Variants in UBXN7 observed in about 807,000 individuals in gnomAD.
The protein encoded by UBXN7 is UBX domain protein 7, also known as UBX domain-containing protein 7.
In UBXN7, 9 loss-of-function variants were observed where a neutral mutation model predicts 58.0. The observed-to-expected ratio is 0.16, with a 90% CI of 0.09 to 0.27. The LOEUF (loss-of-function observed/expected upper bound fraction) is 0.27. Among genes scored for constraint, UBXN7 ranks in the 10% least tolerant of loss-of-function variants. The pLI, the probability that UBXN7 is intolerant of heterozygous loss-of-function variation, is 1.00. For synonymous variants in UBXN7, 208 were observed against 205.0 expected, an observed-to-expected ratio of 1.01 and a Z score of -0.12; for missense variants, 328 against 599.6, an observed-to-expected ratio of 0.55 and a Z score of 4.73.
intron 1 of UBXN7, among the ~76,000 whole-genome samples, chr3:196,424,450 A>G (rs1730786394): frequency 7.2e-6 from 1 of 138,860 alleles, no homozygotes; most frequent in Non-Finnish European, 1.5e-5. Context: ...GCTGGAGTAT[A>G]GCAGCAGGAG....
At chr3:196,360,262 T>G (rs186728312) in intron 10 of UBXN7, among the ~76,000 whole-genome samples, 7 of 152,248 alleles carry the variant, frequency 4.6e-5, no homozygotes, top group African/African-American at 1.7e-4. Flanking sequence ...AAATAACAGA[T>G]TTAAGTTTGA....
chr3:196,423,472 G>C (rs931203385), intron 1 of UBXN7: 7 of 246,288 alleles, frequency 2.8e-5, no homozygotes, highest in Admixed American at 5.3e-5. Flanking sequence ...GGCTGTGATG[G>C]GGCTTGGGGT....
In UBXN7 at chr3:196,407,234, A is replaced by G. The variant is rs1730189524; in HGVS notation, c.221+12T>C. On this transcript the variant is annotated intron_variant, in intron 2 of 10. Transcript: ENST00000296328. ...AATGGATAGCTCCTGACAACACATA[A>G]TAAATTCATACTCTGTGTGTGGTCT... is the stretch of plus-strand genomic sequence containing the variant. The G allele has an allele frequency of 6.2e-7, 1 of 1,612,708 alleles. No individual in the cohort carries two copies. The highest frequency in any genetic ancestry group is 1.3e-5 in the African/African-American group (1 of 74,898).
At position 196,378,004 on chromosome 3, in the gene UBXN7, A is replaced by G. The variant is rs568023274; in HGVS notation, c.469-5962T>C. Among the ~76,000 whole-genome samples, 18 of 152,258 alleles carry G rather than the reference A, an allele frequency of 1.2e-4. No individual in the cohort carries two copies. The East Asian group carries it at 2.5e-3, about 21-fold the overall frequency. Reference sequence around the variant, plus strand: ...TTTATTCTTTCTCCAAGCAACTACTATAACTTGAAATGAATGTCACACTCT... The same window carrying G: ...TTTATTCTTTCTCCAAGCAACTACTGTAACTTGAAATGAATGTCACACTCT... On this transcript the variant is annotated intron_variant, in intron 5 of 10. Coordinates refer to ENST00000296328, the MANE Select transcript of UBXN7 (RefSeq NM_015562.2).
chr3:196,401,921 C>T (rs189967280), intron 3 of UBXN7, among the ~76,000 whole-genome samples: 28 of 149,728 alleles, frequency 1.9e-4, no homozygotes, highest in South Asian at 2.2e-4. Flanking sequence ...ACCAAACCCA[C>T]GCAACATGCA....
Position 196,408,421 on chromosome 3 carries a change from T to C in UBXN7, c.74-1028A>G, listed in dbSNP as rs371472503. On this transcript the variant is annotated intron_variant, in intron 1 of 10. Transcript: ENST00000296328. ...AAAATAAAATCTACATAAAATACTA[T>C]ATGCATAAACATGTTCATACACATG... is the stretch of plus-strand genomic sequence containing the variant. Among the ~76,000 whole-genome samples the C allele has an allele frequency of 5.4e-4, 82 of 152,330 alleles. No individual in the cohort carries two copies. The South Asian group carries it at 0.017, about 32-fold the overall frequency.
At chr3:196,403,536 T>C (rs751811604) in intron 2 of UBXN7, among the ~76,000 whole-genome samples, 31 of 152,268 alleles carry the variant, frequency 2.0e-4, no homozygotes, top group Admixed American at 3.9e-4. Context: ...GCTCAAATGG[T>C]TTGGAAATAA....
chr3:196,417,110 G>C (rs567630814), intron 1 of UBXN7, among the ~76,000 whole-genome samples: 12 of 152,012 alleles, frequency 7.9e-5, no homozygotes, highest in Non-Finnish European at 1.3e-4. Context: ...TCAGGAGATC[G>C]AGACCATCCT....
At chr3:196,429,339 AAC>A (rs1161422710) in intron 1 of UBXN7, among the ~76,000 whole-genome samples, 229 of 152,230 alleles carry the variant, frequency 1.5e-3, no homozygotes, top group African/African-American at 5.3e-3. Context: ...AAAAAAAAAA[AAC>A]ATCAGTCATT....
intron 5 of UBXN7, among the ~76,000 whole-genome samples, chr3:196,373,147 TCA>T (rs570764562): frequency 4.6e-5 from 7 of 152,354 alleles, no homozygotes; most frequent in Non-Finnish European, 7.3e-5. Flanking sequence ...CATATTAATC[TCA>T]GTTATTAGGC....
rs577229372 is a variant in UBXN7 at position 196,375,061 on chromosome 3, G to A, written c.469-3019C>T. On this transcript the variant is annotated intron_variant, in intron 5 of 10. Transcript: ENST00000296328. ...AAGGAAGGGAAAGGAAAGGAAAAAG[G>A]AGAGGAAGAAAGAAGAGTCTTGAAT... Among the ~76,000 whole-genome samples the A allele has an allele frequency of 3.7e-4, 52 of 139,496 alleles. No homozygotes were observed. In the South Asian group the frequency reaches 0.011, roughly 31 times the overall value. 91.5% of individuals were successfully genotyped at this position (139,496 alleles called of 152,430 possible).
chr3:196,377,489 G>T (rs930509581), intron 5 of UBXN7, among the ~76,000 whole-genome samples: 1 of 152,038 alleles, frequency 6.6e-6, no homozygotes, highest in Middle Eastern at 3.2e-3. Context: ...TGGAACCTAC[G>T]AAATCAATCT....
intron 1 of UBXN7, among the ~76,000 whole-genome samples, chr3:196,413,155 T>TG (rs1730384023): frequency 6.6e-6 from 1 of 152,020 alleles, no homozygotes; most frequent in South Asian, 2.1e-4. Context: ...CTGGCCAACA[T>TG]GGTGAAACCC....
chr3:196,368,195 T>C, intron 7 of UBXN7, 40 bp from the exon 8 acceptor site: 1 of 1,568,702 alleles, frequency 6.4e-7, no homozygotes, highest in Non-Finnish European at 8.7e-7. Context: ...AAATATAATA[T>C]CTAGAATCCT....
In UBXN7 at chr3:196,432,141, G is replaced by T. The variant is rs567227413; in HGVS notation, c.73+186C>A. 101 of 772,578 alleles carry T rather than the reference G, an allele frequency of 1.3e-4. 1 individual carries two copies. The highest frequency in any genetic ancestry group is 1.2e-3 in the South Asian group (82 of 66,604). The allele number at this position is 772,578 out of a possible 1,614,324, so 47.9% of individuals were successfully genotyped here. A position where few individuals can be genotyped will look rare whatever the true frequency, so the allele number is the denominator to read the frequency against. On this transcript the variant is annotated intron_variant, in intron 1 of 10. Transcript: ENST00000296328. ...ACAGAGAACGAGGGTATCGGGAGCG[G>T]GGGGGGGCTGTCTCCCGCCTGAACC...
intron 8 of UBXN7, among the ~76,000 whole-genome samples, chr3:196,364,790 A>G (rs1377826084): frequency 6.6e-6 from 1 of 151,580 alleles, no homozygotes; most frequent in Non-Finnish European, 1.5e-5. Context: ...TCCACCTGCC[A>G]GGCTCAAGCA....
chr3:196,416,602 T>C (rs1477863365), intron 1 of UBXN7, among the ~76,000 whole-genome samples: 1 of 152,132 alleles, frequency 6.6e-6, no homozygotes, highest in East Asian at 1.9e-4. Flanking sequence ...GTGAAGTCAA[T>C]CCTCAAGCAA....
At chr3:196,397,291 A>G (rs1411269273) in intron 3 of UBXN7, among the ~76,000 whole-genome samples, 1 of 152,242 alleles carries the variant, frequency 6.6e-6, no homozygotes, top group South Asian at 2.1e-4. Context: ...GGGGAGGGAC[A>G]GGTGGAGAAA....
chr3:196,352,067 G>GT lies in UBXN7; in HGVS notation c.*4617dup, dbSNP rs1489190672. ...ACAAAAGGTGGAGCTAAAGAAAAAG[G>GT]TGAGTCAAAAGAAAACGTGAGCTAC... On this transcript the variant is annotated 3_prime_UTR_variant, in exon 11 of 11. Coordinates refer to ENST00000296328, the MANE Select transcript of UBXN7 (RefSeq NM_015562.2). This position sits in a 1 kb window ranked among gnomAD's most constrained non-coding sequence, Gnocchi z 4.1. The GT allele has an allele frequency of 6.6e-6, 1 of 152,196 alleles. No homozygotes were observed. Among genetic ancestry groups the GT allele is most frequent in the Non-Finnish European group, 1.5e-5 (1 of 68,036 alleles). 9.4% of individuals were successfully genotyped at this position (152,196 alleles called of 1,614,324 possible).
Sources: allele counts gnomAD v4.1 joint callset (sites outside exome capture counted in the v4.1 genomes callset), GRCh38; gene constraint gnomAD v4.1.1; non-coding constraint Gnocchi (gnomAD v3.1); transcripts MANE v1.5; gene names NCBI Gene and HGNC (gene_info 2026-07-23, HGNC 2026-07-21).